The following PDE10A variants were observed in gnomAD, a reference collection of about 807,000 sequenced individuals.
PDE10A encodes the protein phosphodiesterase 10A, also known as cAMP and cAMP-inhibited cGMP 3',5'-cyclic phosphodiesterase 10A.
Under a neutral mutation model 97.7 loss-of-function variants are expected in PDE10A, and 39 were observed. That is an observed-to-expected ratio of 0.40 (90% CI 0.31 to 0.52). The LOEUF (loss-of-function observed/expected upper bound fraction) is 0.52. Ranked by LOEUF, PDE10A falls within the 20% of genes least tolerant of loss-of-function variation. PDE10A has a pLI of 0.56. For synonymous variants in PDE10A, 371 were observed against 376.8 expected (o/e 0.98, Z 0.18); for missense variants, 731 against 1,047.8 (o/e 0.70, Z 4.17).
Position 165,332,936 on chromosome 6 carries a change from C to A in PDE10A, c.*89G>T. On this transcript the variant is annotated 3_prime_UTR_variant, in exon 22 of 22. Coordinates refer to ENST00000539869, the MANE Select transcript of PDE10A (RefSeq NM_001385079.1). ...GCACCCCAGTTACCAGGTGCAGGTT[C>A]CCCCCACCCCCCCCAAAAAAAGGAA... 4 of 493,258 alleles carry A rather than the reference C, an allele frequency of 8.1e-6. No homozygotes were observed. The highest frequency in any genetic ancestry group is 1.2e-5 in the Non-Finnish European group (3 of 245,406). 30.6% of individuals were successfully genotyped at this position (493,258 alleles called of 1,614,324 possible).
intron 1 of PDE10A, among the ~76,000 whole-genome samples, chr6:165,612,157 T>C (rs1787525577): frequency 6.6e-6 from 1 of 152,244 alleles, no homozygotes; most frequent in East Asian, 1.9e-4. Context: ...AAATGAGATA[T>C]ATATTGCTCA....
chr6:165,330,677 G>T lies in PDE10A; in HGVS notation c.*2348C>A, dbSNP rs187447193. ...TACACTTGACTATAATAAATTAAGA[G>T]AATTTTCTGTAATAACCTAAAAATG... is the stretch of plus-strand genomic sequence containing the variant. On this transcript the variant is annotated 3_prime_UTR_variant, in exon 22 of 22. Transcript: ENST00000539869. 2 of 152,186 alleles carry T rather than the reference G, an allele frequency of 1.3e-5. No homozygotes were observed. Among genetic ancestry groups the T allele is most frequent in the Admixed American group, 6.5e-5 (1 of 15,286 alleles). The allele number at this position is 152,186 out of a possible 1,614,324, so 9.4% of individuals were successfully genotyped here. A position where few individuals can be genotyped will look rare whatever the true frequency, so the allele number is the denominator to read the frequency against.
intron 1 of PDE10A, among the ~76,000 whole-genome samples, chr6:165,720,046 T>G (rs1792126856): frequency 6.6e-6 from 1 of 152,150 alleles, no homozygotes; most frequent in Admixed American, 6.5e-5. Flanking sequence ...TAACAGGCGC[T>G]CAATAGACAA....
In PDE10A at chr6:165,381,631, ATTTTT is replaced by A. The variant is rs547827126; in HGVS notation, c.2611-2270_2611-2266del. ...AGGGACGCACCACCACACCTGGCTA[ATTTTT>A]TTTTTTTTTTTTTTTTTTGTATTTT... On this transcript the variant is annotated intron_variant, in intron 17 of 21. Transcript: ENST00000539869. Among the ~76,000 whole-genome samples the A allele has an allele frequency of 8.3e-3, 990 of 118,660 alleles. 3 individuals are homozygous for A. The highest frequency in any genetic ancestry group is 0.015 in the Middle Eastern group (3 of 204). The allele number at this position is 118,660 out of a possible 152,430, so 77.8% of individuals were successfully genotyped here. A position where few individuals can be genotyped will look rare whatever the true frequency, so the allele number is the denominator to read the frequency against.
At chr6:165,677,856 TTGTA>T (rs963567180) in intron 1 of PDE10A, among the ~76,000 whole-genome samples, 12 of 151,900 alleles carry the variant, frequency 7.9e-5, no homozygotes, top group African/African-American at 2.7e-4. Context: ...ATGTGTGTGT[TTGTA>T]TGTGTATGTT....
intron 1 of PDE10A, among the ~76,000 whole-genome samples, chr6:165,613,883 G>C (rs1787607762): frequency 6.6e-6 from 1 of 151,940 alleles, no homozygotes; most frequent in African/African-American, 2.4e-5. Context: ...AAAATCTATT[G>C]ACTCAAAACT....
rs976220440 is a variant in PDE10A at position 165,332,156 on chromosome 6, C to T, written c.*869G>A. 8 of 152,124 alleles carry T rather than the reference C, an allele frequency of 5.3e-5. No individual in the cohort carries two copies. The highest frequency in any genetic ancestry group is 1.2e-4 in the Non-Finnish European group (8 of 68,020). The allele number at this position is 152,124 out of a possible 1,614,324, so 9.4% of individuals were successfully genotyped here. A position where few individuals can be genotyped will look rare whatever the true frequency, so the allele number is the denominator to read the frequency against. The stretch of plus-strand genomic sequence containing the variant: ...GAATCATTATGAAAAATGTACCCTT[C>T]GTATCCATAAGACTTGTCCATTAAA... On this transcript the variant is annotated 3_prime_UTR_variant, in exon 22 of 22. Coordinates refer to ENST00000539869, the MANE Select transcript of PDE10A (RefSeq NM_001385079.1).
At chr6:165,619,203 TGTA>T (rs1787905236) in intron 1 of PDE10A, among the ~76,000 whole-genome samples, 3 of 117,124 alleles carry the variant, frequency 2.6e-5, no homozygotes, top group Admixed American at 2.2e-4. Flanking sequence ...TGTAGTGTAA[TGTA>T]GTGCAGTGTA....
chr6:165,564,262 G>A (rs1182026232), intron 1 of PDE10A, among the ~76,000 whole-genome samples: 1 of 152,152 alleles, frequency 6.6e-6, no homozygotes, highest in African/African-American at 2.4e-5. Context: ...CATGAGAGCT[G>A]GTGCTTGCTC....
chr6:165,596,457 A>G (rs542941940), intron 1 of PDE10A, among the ~76,000 whole-genome samples: 34 of 152,344 alleles, frequency 2.2e-4, no homozygotes, highest in African/African-American at 7.9e-4. Context: ...AACCAGGTGC[A>G]GCAGTTTATA....
At chr6:165,611,046 G>GTC in intron 1 of PDE10A, among the ~76,000 whole-genome samples, 1 of 151,650 alleles carries the variant, frequency 6.6e-6, no homozygotes, top group South Asian at 2.1e-4. Context: ...GCTTCTGCTT[G>GTC]TCTCTCTCAA....
intron 2 of PDE10A, among the ~76,000 whole-genome samples, chr6:165,514,635 G>A (rs1272365721): frequency 1.3e-5 from 2 of 152,148 alleles, no homozygotes; most frequent in Non-Finnish European, 2.9e-5. Context: ...CCGGCCCTCC[G>A]CTAGGTGCTG....
chr6:165,395,407 A>G (rs930868766), intron 14 of PDE10A, 143 bp from the exon 15 acceptor site: 2 of 565,602 alleles, frequency 3.5e-6, no homozygotes, highest in Non-Finnish European at 6.4e-6. Context: ...TCTTAGCCAC[A>G]TAGCTGTTAC....
intron 3 of PDE10A, among the ~76,000 whole-genome samples, chr6:165,456,944 TA>T (rs1191871112): frequency 2.0e-5 from 3 of 152,206 alleles, no homozygotes; most frequent in African/African-American, 7.2e-5. Context: ...TAATATACTG[TA>T]AAATGTAAAA....
intron 1 of PDE10A, among the ~76,000 whole-genome samples, chr6:165,546,038 T>A (rs1318626282): frequency 1.3e-5 from 2 of 151,964 alleles, no homozygotes; most frequent in African/African-American, 4.8e-5. Flanking sequence ...CACAAATGGA[T>A]AAACAAACTG....
At chr6:165,601,133 C>A (rs780147455) in intron 1 of PDE10A, among the ~76,000 whole-genome samples, 1 of 152,208 alleles carries the variant, frequency 6.6e-6, no homozygotes, top group Non-Finnish European at 1.5e-5. Context: ...CTCATGAAAT[C>A]TGATGGGTTA....
intron 1 of PDE10A, among the ~76,000 whole-genome samples, chr6:165,873,652 A>G (rs963599119): frequency 3.9e-5 from 6 of 152,240 alleles, no homozygotes; most frequent in African/African-American, 1.4e-4. Flanking sequence ...TGAATTTGAC[A>G]TAAGACTTTT....
At chr6:165,745,004 C>T (rs561451468) in intron 1 of PDE10A, among the ~76,000 whole-genome samples, 2 of 152,244 alleles carry the variant, frequency 1.3e-5, no homozygotes, top group East Asian at 1.9e-4. Flanking sequence ...TCCTTGCAAC[C>T]TCTCTAGCAC....
intron 18 of PDE10A, among the ~76,000 whole-genome samples, chr6:165,363,035 ACACT>A (rs1382181780): frequency 3.3e-5 from 5 of 152,182 alleles, no homozygotes; most frequent in Non-Finnish European, 7.4e-5. Flanking sequence ...AAAAAAATAA[ACACT>A]CAACAAATCA....
Sources: gnomAD v4.1 joint callset for allele counts (sites outside exome capture counted in the v4.1 genomes callset) on GRCh38, gnomAD v4.1.1 for gene constraint, MANE v1.5 for transcripts, NCBI Gene and HGNC (gene_info 2026-07-23, HGNC 2026-07-21) for gene names.